STK39: variants seen among roughly 807,000 people sequenced by gnomAD.
The protein encoded by STK39 is serine/threonine kinase 39.
A neutral mutation model predicts 77.8 loss-of-function variants in STK39; 20 were observed. The ratio of observed to expected loss-of-function variants is 0.26; its 90% CI spans 0.18 to 0.37. The LOEUF is 0.37. Ranked by LOEUF, STK39 falls within the 10% of genes least tolerant of loss-of-function variation. STK39 has a pLI of 1.00. For missense variants in STK39, 479 were observed against 656.5 expected (o/e 0.73, Z 2.95); for synonymous variants, 246 against 234.1 (o/e 1.05, Z -0.47).
At chr2:167,985,169 G>A (rs768276654) in intron 16 of STK39, among the ~76,000 whole-genome samples, 9 of 152,226 alleles carry the variant, frequency 5.9e-5, no homozygotes, top group East Asian at 5.8e-4. Flanking sequence ...TATTAGTTGC[G>A]CTAATTGAAC....
At chr2:168,056,480 T>C (rs1407251597) in intron 14 of STK39, among the ~76,000 whole-genome samples, 3 of 152,086 alleles carry the variant, frequency 2.0e-5, no homozygotes, top group Non-Finnish European at 4.4e-5. Flanking sequence ...AGTTAAGGAC[T>C]GAGGAAGGGC....
intron 5 of STK39, among the ~76,000 whole-genome samples, chr2:168,156,749 G>A (rs1328961222): frequency 1.3e-5 from 2 of 152,214 alleles, no homozygotes; most frequent in Non-Finnish European, 2.9e-5. Flanking sequence ...TGCCAGGACT[G>A]AACTATGGCT....
intron 10 of STK39, among the ~76,000 whole-genome samples, chr2:168,116,288 G>A (rs1310076961): frequency 6.6e-6 from 1 of 152,152 alleles, no homozygotes; most frequent in Admixed American, 6.6e-5. Context: ...TGATTGCTGT[G>A]AAAGTTGTAC....
chr2:168,046,374 A>AAAAC (rs377383582), intron 14 of STK39, among the ~76,000 whole-genome samples: 178 of 151,856 alleles, frequency 1.2e-3, no homozygotes, highest in South Asian at 1.7e-3. Context: ...TCTCAAAAAC[A>AAAAC]AAACAAACAA....
At chr2:168,147,247 T>C (rs1045261413) in intron 5 of STK39, among the ~76,000 whole-genome samples, 13 of 152,196 alleles carry the variant, frequency 8.5e-5, no homozygotes, top group African/African-American at 2.9e-4. Context: ...CCAGTTGTTG[T>C]TTTTTTCTCA....
At chr2:168,183,970 C>T (rs752560545) in intron 1 of STK39, among the ~76,000 whole-genome samples, 3 of 152,182 alleles carry the variant, frequency 2.0e-5, no homozygotes, top group Admixed American at 1.3e-4. Context: ...GGCCTGGTAC[C>T]CAGCAGAGAA....
At chr2:168,068,663 T>C (rs1305707764) in intron 12 of STK39, among the ~76,000 whole-genome samples, 1 of 152,232 alleles carries the variant, frequency 6.6e-6, no homozygotes, top group Admixed American at 6.5e-5. Flanking sequence ...CATTTTCAGA[T>C]ATATTGCAGA....
chr2:168,106,354 T>C (rs1686973295), intron 10 of STK39, among the ~76,000 whole-genome samples: 1 of 152,206 alleles, frequency 6.6e-6, no homozygotes, highest in African/African-American at 2.4e-5. Flanking sequence ...GATCAAGCAC[T>C]TGGCGCAATC....
intron 2 of STK39, among the ~76,000 whole-genome samples, chr2:168,171,017 T>G (rs1219283827): frequency 6.6e-6 from 1 of 152,178 alleles, no homozygotes; most frequent in African/African-American, 2.4e-5. Context: ...GTCAAGGAAT[T>G]GAACACAGTG....
At chr2:168,233,835 T>TAAAA (rs1690524176) in intron 1 of STK39, among the ~76,000 whole-genome samples, 1 of 152,220 alleles carries the variant, frequency 6.6e-6, no homozygotes, top group East Asian at 1.9e-4. Flanking sequence ...TGATCTTTTT[T>TAAAA]AAGATATGAC....
At chr2:167,992,549 G>T (rs1459985074) in intron 16 of STK39, among the ~76,000 whole-genome samples, 2 of 152,158 alleles carry the variant, frequency 1.3e-5, no homozygotes, top group Admixed American at 1.3e-4. Context: ...CAGAGGAAAA[G>T]AATTCCATAG....
intron 1 of STK39, among the ~76,000 whole-genome samples, chr2:168,197,617 T>A (rs1280820608): frequency 6.6e-6 from 1 of 152,240 alleles, no homozygotes; most frequent in Non-Finnish European, 1.5e-5. Context: ...ACTGCCCTCC[T>A]ATAAAGAAAT....
chr2:167,972,218 T>C lies in STK39; in HGVS notation c.1499-7492A>G, dbSNP rs528887678. ...GACTCTGGCCTCTCTCTGTGCAAAC[T>C]GGTTTAATGAGTGGTAAAAGTCACT... On this transcript the variant is annotated intron_variant, in intron 16 of 17. Coordinates refer to ENST00000355999, the MANE Select transcript of STK39 (RefSeq NM_013233.3). Among the ~76,000 whole-genome samples, 175 of 152,314 alleles carry C rather than the reference T, an allele frequency of 1.1e-3. 2 individuals are homozygous for C. The highest frequency in any genetic ancestry group is 3.7e-3 in the African/African-American group (153 of 41,562).
At chr2:168,004,051 C>A (rs1180523742) in intron 16 of STK39, among the ~76,000 whole-genome samples, 1 of 152,230 alleles carries the variant, frequency 6.6e-6, no homozygotes, top group Non-Finnish European at 1.5e-5. Context: ...CTTCGCACAT[C>A]TAACCATATG....
In STK39 at chr2:168,063,526, A is replaced by G; in HGVS notation, c.1350T>C (p.Cys450=). The G allele has an allele frequency of 6.2e-7, 1 of 1,613,278 alleles. No individual in the cohort carries two copies. The highest frequency in any genetic ancestry group is 8.5e-7 in the Non-Finnish European group (1 of 1,179,526). The change falls in exon 14 of 18, where the codon TGT becomes TGC. Residue 450 remains cysteine, a synonymous_variant. Transcript: ENST00000355999. ...ANEDYREASS[C]AVNLVLRLRN... is the part of the protein sequence containing the mutation. ...TTAATCTCAAAACGAGGTTCACGGC[A>G]CAAGAAGAAGCTTCTCTGTAGTCTT...
At chr2:168,211,687 C>T (rs1157420922) in intron 1 of STK39, among the ~76,000 whole-genome samples, 1 of 152,156 alleles carries the variant, frequency 6.6e-6, no homozygotes, top group Non-Finnish European at 1.5e-5. Flanking sequence ...TCATCAACGC[C>T]CTGTCTTACG....
In STK39 at chr2:168,072,374, C is replaced by A. The variant is rs958907967; in HGVS notation, c.1242+2608G>T. Among the ~76,000 whole-genome samples the A allele has an allele frequency of 1.2e-4, 18 of 152,082 alleles. 1 individual carries two copies. Among genetic ancestry groups the A allele is most frequent in the Admixed American group, 1.1e-3 (17 of 15,272 alleles). ...TGTCATTCTCCTATGTTTTTCAAAT[C>A]ATTATTCTATGTCTCTTCTCAGTAA... On this transcript the variant is annotated intron_variant, in intron 12 of 17. Coordinates refer to ENST00000355999, the MANE Select transcript of STK39 (RefSeq NM_013233.3).
chr2:168,235,017 C>T (rs1171473645), intron 1 of STK39, among the ~76,000 whole-genome samples: 1 of 150,304 alleles, frequency 6.7e-6, no homozygotes, highest in African/African-American at 2.4e-5. Flanking sequence ...TTAGTAGTAC[C>T]TTAAAATTTA....
At chr2:167,970,952 G>A (rs1322777029) in intron 16 of STK39, among the ~76,000 whole-genome samples, 2 of 152,166 alleles carry the variant, frequency 1.3e-5, no homozygotes, top group East Asian at 3.8e-4. Flanking sequence ...TGTGATTCTA[G>A]GAGCTGCCCA....
Sources: gnomAD v4.1 joint callset for allele counts (sites outside exome capture counted in the v4.1 genomes callset) on GRCh38, gnomAD v4.1.1 for gene constraint, MANE v1.5 for transcripts, NCBI Gene and HGNC (gene_info 2026-07-23, HGNC 2026-07-21) for gene names.